The following RBFOX3 variants were observed in gnomAD, a reference collection of about 807,000 sequenced individuals.
RBFOX3 encodes the protein RNA binding protein fox-1 homolog 3.
In RBFOX3, 17 loss-of-function variants were observed where a neutral mutation model predicts 48.7. The observed-to-expected ratio is 0.35, with a 90% CI of 0.24 to 0.52. RBFOX3 has a LOEUF of 0.52. Ranked by LOEUF, RBFOX3 falls within the 20% of genes least tolerant of loss-of-function variation. The pLI is 0.94. For missense variants in RBFOX3, 382 were observed against 497.5 expected, an observed-to-expected ratio of 0.77 and a Z score of 2.21; for synonymous variants, 212 against 209.5, an observed-to-expected ratio of 1.01 and a Z score of -0.10.
intron 4 of RBFOX3, among the ~76,000 whole-genome samples, chr17:79,126,739 C>A (rs1288840024): frequency 6.6e-6 from 1 of 152,200 alleles, no homozygotes; most frequent in Admixed American, 6.5e-5. Context: ...CCCAGCCCAG[C>A]CCGCCAGACA....
intron 1 of RBFOX3, among the ~76,000 whole-genome samples, chr17:79,517,323 T>C (rs1403149520): frequency 6.6e-6 from 1 of 151,256 alleles, no homozygotes; most frequent in Admixed American, 6.6e-5. Context: ...CAGGTGCCTA[T>C]AATCCCAGCT....
Position 79,281,759 on chromosome 17 carries a change from G to T in RBFOX3, c.-74+25965C>A, listed in dbSNP as rs372887401. 2.0e-5 allele frequency among the ~76,000 whole-genome samples: 3 copies of T among 152,196 alleles called. No individual in the cohort carries two copies. The East Asian group carries it at 5.8e-4, about 29-fold the overall frequency. On this transcript the variant is annotated intron_variant, in intron 3 of 14. Coordinates refer to ENST00000693108, the MANE Select transcript of RBFOX3 (RefSeq NM_001350451.2). The stretch of plus-strand genomic sequence containing the variant: ...CTCAAGGGCTTTTCACACATCAAAA[G>T]GTGTTAAAATCAATAAGTAGCCTTG...
At chr17:79,265,263 C>A (rs1433300734) in intron 3 of RBFOX3, among the ~76,000 whole-genome samples, 1 of 152,210 alleles carries the variant, frequency 6.6e-6, no homozygotes, top group African/African-American at 2.4e-5. Context: ...AAATGTAATG[C>A]CGTGTCCTCC....
At chr17:79,630,234 T>C in the RBFOX3 span, among the ~76,000 whole-genome samples, 25 of 152,168 alleles carry the variant, frequency 1.6e-4, no homozygotes, top group Non-Finnish European at 3.4e-4. Context: ...GTCTCAGGCC[T>C]TTGACCAAGA....
chr17:79,357,522 T>C, intron 2 of RBFOX3, among the ~76,000 whole-genome samples: 1 of 152,176 alleles, frequency 6.6e-6, no homozygotes, highest in East Asian at 1.9e-4. Flanking sequence ...TCCCAGCTAC[T>C]TGGGAGGCTG....
In RBFOX3 at chr17:79,535,280, G is replaced by A. The variant is rs141253521; in HGVS notation, c.-319-52682C>T. On this transcript the variant is annotated intron_variant, in intron 1 of 14. Coordinates refer to ENST00000693108, the MANE Select transcript of RBFOX3 (RefSeq NM_001350451.2). This position sits in a 1 kb window ranked among gnomAD's most constrained non-coding sequence, Gnocchi z 4.5. ...GGGCTGTTCACAGAGGCTGACTCCCGTCCTCCCTTTCCTGAAAGACACTCT... is the reference window on the plus strand; with the variant it reads ...GGGCTGTTCACAGAGGCTGACTCCCATCCTCCCTTTCCTGAAAGACACTCT... Among the ~76,000 whole-genome samples the A allele has an allele frequency of 1.3e-4, 20 of 152,276 alleles. No individual in the cohort carries two copies. The highest frequency in any genetic ancestry group is 3.6e-4 in the African/African-American group (15 of 41,558).
intron 4 of RBFOX3, among the ~76,000 whole-genome samples, chr17:79,196,559 T>C (rs184575813): frequency 5.9e-5 from 9 of 152,228 alleles, no homozygotes; most frequent in Non-Finnish European, 1.0e-4. Context: ...CAAATACTTA[T>C]TGAGTTTCCC....
intron 4 of RBFOX3, among the ~76,000 whole-genome samples, chr17:79,188,246 G>T (rs2094558402): frequency 6.6e-6 from 1 of 152,182 alleles, no homozygotes; most frequent in Admixed American, 6.5e-5. Flanking sequence ...CCCTCTGCCA[G>T]GGGTCCTCAG....
chr17:79,257,187 G>A (rs2065015862), intron 3 of RBFOX3, among the ~76,000 whole-genome samples: 1 of 152,152 alleles, frequency 6.6e-6, no homozygotes, highest in Non-Finnish European at 1.5e-5. Flanking sequence ...CTGTCCTGGG[G>A]CCTCCGGGGA....
chr17:79,301,325 C>T (rs558076937), intron 3 of RBFOX3, among the ~76,000 whole-genome samples: 19 of 152,362 alleles, frequency 1.2e-4, no homozygotes, highest in African/African-American at 4.3e-4. Flanking sequence ...CTTGGAACCC[C>T]ACTGGGGTGA....
intron 2 of RBFOX3, among the ~76,000 whole-genome samples, chr17:79,436,469 G>T (rs1312504310): frequency 1.3e-5 from 2 of 152,218 alleles, no homozygotes; most frequent in Non-Finnish European, 2.9e-5. Flanking sequence ...AGCCCCATGG[G>T]CGGGACAGGG....
chr17:79,420,128 TACACACAC>T (rs58282867), intron 2 of RBFOX3, among the ~76,000 whole-genome samples: 15,997 of 114,046 alleles, frequency 0.14, 994 homozygotes, highest in Admixed American at 0.19. Context: ...CTCCGTCTCA[TACACACAC>T]ACACACACAC....
At chr17:79,107,582 C>T (rs914083840) in intron 5 of RBFOX3, among the ~76,000 whole-genome samples, 1 of 152,232 alleles carries the variant, frequency 6.6e-6, no homozygotes, top group Non-Finnish European at 1.5e-5. Flanking sequence ...CACGGCAAGG[C>T]TGGCCTTCAG....
intron 1 of RBFOX3, among the ~76,000 whole-genome samples, chr17:79,532,869 G>A (rs1365187377): frequency 6.6e-6 from 1 of 152,222 alleles, no homozygotes; most frequent in African/African-American, 2.4e-5. Flanking sequence ...TGTCAGGGAA[G>A]GGGTGGCCCC....
rs903596086 is a variant in RBFOX3, at chr17:79,195,809, G to A, written c.-34+39957C>T. ...CTTCCTAACCTGTGACCTGTGCTAG[G>A]AGAAAGTGTCCTAGTGGCCAGCTCC... is the stretch of plus-strand genomic sequence containing the variant. On this transcript the variant is annotated intron_variant, in intron 4 of 14. Transcript: ENST00000693108. This position sits in a 1 kb window ranked among gnomAD's most constrained non-coding sequence, Gnocchi z 5.3. 2.0e-5 allele frequency among the ~76,000 whole-genome samples: 3 copies of A among 152,236 alleles called. No individual in the cohort carries two copies. Among genetic ancestry groups the A allele is most frequent in the African/African-American group, 7.2e-5 (3 of 41,460 alleles).
At chr17:79,285,847 G>C (rs2071739992) in intron 3 of RBFOX3, among the ~76,000 whole-genome samples, 1 of 152,010 alleles carries the variant, frequency 6.6e-6, no homozygotes, top group Non-Finnish European at 1.5e-5. Context: ...TCATGCCCAG[G>C]TAATTTTGTA....
chr17:79,336,750 A>G (rs7207257), intron 2 of RBFOX3, among the ~76,000 whole-genome samples: 1 of 152,230 alleles, frequency 6.6e-6, no homozygotes, highest in South Asian at 2.1e-4. Context: ...GTGAATACCA[A>G]CAGAGAATCT....
intron 1 of RBFOX3, among the ~76,000 whole-genome samples, chr17:79,568,218 A>G (rs2092539936): frequency 6.6e-6 from 1 of 152,168 alleles, no homozygotes; most frequent in Admixed American, 6.5e-5. Context: ...GCCCCCACTA[A>G]GCAACACTAT....
chr17:79,329,514 T>G (rs1416183703), intron 2 of RBFOX3, among the ~76,000 whole-genome samples: 1 of 152,130 alleles, frequency 6.6e-6, no homozygotes, highest in Non-Finnish European at 1.5e-5. Flanking sequence ...CCGTGAGAAC[T>G]TCCTTCATTA....
Sources: allele counts gnomAD v4.1 joint callset (sites outside exome capture counted in the v4.1 genomes callset), GRCh38; gene constraint gnomAD v4.1.1; non-coding constraint Gnocchi (gnomAD v3.1); transcripts MANE v1.5; gene names NCBI Gene and HGNC (gene_info 2026-07-23, HGNC 2026-07-21).